The following PPP1CB variants were observed in gnomAD, a reference collection of about 807,000 sequenced individuals.
PPP1CB encodes the protein protein phosphatase 1 catalytic subunit beta.
A neutral mutation model predicts 43.7 loss-of-function variants in PPP1CB; 2 were observed. The observed-to-expected ratio is 0.05, with a 90% CI of 0.02 to 0.14. The LOEUF is 0.14. Among genes scored for constraint, PPP1CB ranks in the 10% least tolerant of loss-of-function variants. The probability of loss-of-function intolerance (pLI) is 1.00; values close to 1 mark genes in which losing one functional copy is unlikely to be tolerated. For missense variants in PPP1CB, 84 were observed against 398.0 expected, an observed-to-expected ratio of 0.21 and a Z score of 6.71; for synonymous variants, 136 against 135.6, an observed-to-expected ratio of 1.00 and a Z score of -0.02.
chr2:28,754,872 A>T (rs1666446962), intron 1 of PPP1CB, among the ~76,000 whole-genome samples: 1 of 152,200 alleles, frequency 6.6e-6, no homozygotes, highest in Non-Finnish European at 1.5e-5. Context: ...GAAAACATTC[A>T]GCAGGACCTG....
intron 7 of PPP1CB, among the ~76,000 whole-genome samples, chr2:28,796,630 C>T (rs932277680): frequency 2.6e-5 from 4 of 152,102 alleles, no homozygotes; most frequent in Non-Finnish European, 5.9e-5. Context: ...ATTTTGTATC[C>T]TGAAACTGAT....
intron 1 of PPP1CB, among the ~76,000 whole-genome samples, chr2:28,769,163 A>C (rs1252074215): frequency 6.6e-6 from 1 of 152,238 alleles, no homozygotes; most frequent in Non-Finnish European, 1.5e-5. Flanking sequence ...CTATCACCTG[A>C]AACTGTGGAA....
chr2:28,788,159 GA>G (rs1240474925), intron 5 of PPP1CB, among the ~76,000 whole-genome samples: 6 of 149,474 alleles, frequency 4.0e-5, no homozygotes, highest in African/African-American at 9.8e-5. Flanking sequence ...AGACAATCCT[GA>G]AAAAAAAATG....
intron 1 of PPP1CB, among the ~76,000 whole-genome samples, chr2:28,759,201 C>G (rs905054246): frequency 6.6e-6 from 1 of 152,118 alleles, no homozygotes; most frequent in East Asian, 1.9e-4. Flanking sequence ...TGGTGTAAAC[C>G]TATTGCACTG....
At chr2:28,788,246 T>C (rs1016591369) in intron 5 of PPP1CB, among the ~76,000 whole-genome samples, 3 of 148,654 alleles carry the variant, frequency 2.0e-5, no homozygotes, top group East Asian at 1.9e-4. Context: ...ATAAGTAAAA[T>C]AGACTAACAG....
At chr2:28,796,002 G>A (rs906508321) in intron 7 of PPP1CB, among the ~76,000 whole-genome samples, 7 of 152,104 alleles carry the variant, frequency 4.6e-5, no homozygotes, top group Non-Finnish European at 1.0e-4. Flanking sequence ...TCAGTCTTCT[G>A]CATATGGCTA....
At chr2:28,756,550 C>G (rs914103911) in intron 1 of PPP1CB, among the ~76,000 whole-genome samples, 1 of 152,230 alleles carries the variant, frequency 6.6e-6, no homozygotes, top group African/African-American at 2.4e-5. Flanking sequence ...GTGGCTTGAT[C>G]ATGGCTCACT....
chr2:28,795,335 C>A (rs1667478180), intron 7 of PPP1CB, among the ~76,000 whole-genome samples: 1 of 151,784 alleles, frequency 6.6e-6, no homozygotes, highest in African/African-American at 2.4e-5. Flanking sequence ...TTGTACATAC[C>A]CAAAGTAGTG....
At chr2:28,756,922 T>C (rs1048301863) in intron 1 of PPP1CB, among the ~76,000 whole-genome samples, 1 of 152,198 alleles carries the variant, frequency 6.6e-6, no homozygotes, top group Non-Finnish European at 1.5e-5. Flanking sequence ...ACAGTTTGCC[T>C]ATTTAGAGGA....
chr2:28,795,208 G>T (rs1251857998), intron 7 of PPP1CB, among the ~76,000 whole-genome samples: 1 of 152,152 alleles, frequency 6.6e-6, no homozygotes, highest in Non-Finnish European at 1.5e-5. Context: ...AGTATTCCAT[G>T]GTGTATATGT....
At chr2:28,771,862 GA>G (rs1666920851) in intron 1 of PPP1CB, among the ~76,000 whole-genome samples, 1 of 151,352 alleles carries the variant, frequency 6.6e-6, no homozygotes, top group Non-Finnish European at 1.5e-5. Flanking sequence ...GATTGACTAA[GA>G]TTTTTTAAGA....
rs70956041 is a variant in PPP1CB at position 28,789,593 on chromosome 2, ATTTT to A, written c.744+804_744+807del. Among the ~76,000 whole-genome samples the A allele has an allele frequency of 2.9e-3, 282 of 96,536 alleles. 1 individual carries two copies. The highest frequency in any genetic ancestry group is 9.5e-3 in the African/African-American group (259 of 27,386). The allele number at this position is 96,536 out of a possible 152,430, so 63.3% of individuals were successfully genotyped here. On this transcript the variant is annotated intron_variant, in intron 6 of 7. Coordinates refer to ENST00000395366, the MANE Select transcript of PPP1CB (RefSeq NM_002709.3). ...TTGAAGCTTTGTAGATATGATTTAGATTTTTTTTTTTTTTTTTTTTTTTGAGATG... is the reference window on the plus strand; with the variant it reads ...TTGAAGCTTTGTAGATATGATTTAGATTTTTTTTTTTTTTTTTTTGAGATG...
intron 1 of PPP1CB, among the ~76,000 whole-genome samples, chr2:28,756,856 A>G (rs570384175): frequency 2.1e-4 from 32 of 152,354 alleles, no homozygotes; most frequent in African/African-American, 7.5e-4. Context: ...ATGAAAGCAT[A>G]TTAAAGCCCT....
chr2:28,752,937 T>C (rs1666363264), intron 1 of PPP1CB, among the ~76,000 whole-genome samples: 1 of 152,234 alleles, frequency 6.6e-6, no homozygotes, highest in Admixed American at 6.5e-5. Flanking sequence ...TTAAAGCCTG[T>C]CTTGTATTCG....
At chr2:28,783,681 C>T (rs1448748809) in intron 4 of PPP1CB, among the ~76,000 whole-genome samples, 1 of 151,372 alleles carries the variant, frequency 6.6e-6, no homozygotes, top group Admixed American at 6.6e-5. Flanking sequence ...CGCTCGAACC[C>T]GGGAGGTGGA....
intron 5 of PPP1CB, among the ~76,000 whole-genome samples, chr2:28,787,398 G>T (rs1667293806): frequency 6.6e-6 from 1 of 152,216 alleles, no homozygotes; most frequent in African/African-American, 2.4e-5. Flanking sequence ...GGCAGAGTTT[G>T]CAGTGAGCAG....
At chr2:28,786,774 CA>C (rs70956040) in intron 5 of PPP1CB, among the ~76,000 whole-genome samples, 6,096 of 94,572 alleles carry the variant, frequency 0.064, 94 homozygotes, top group Non-Finnish European at 0.083. Flanking sequence ...GACTCCGTCT[CA>C]AAAAAAAAAA....
chr2:28,753,905 T>A (rs544405537), intron 1 of PPP1CB, among the ~76,000 whole-genome samples: 1 of 152,120 alleles, frequency 6.6e-6, no homozygotes, highest in Non-Finnish European at 1.5e-5. Context: ...CGGCTAATTT[T>A]TTTTGTATTT....
chr2:28,785,855 A>G (rs1667256031), intron 5 of PPP1CB, among the ~76,000 whole-genome samples: 1 of 151,822 alleles, frequency 6.6e-6, no homozygotes, highest in African/African-American at 2.4e-5. Context: ...TATAATATAA[A>G]TATGTATTAC....
Sources: gnomAD v4.1 joint callset for allele counts (sites outside exome capture counted in the v4.1 genomes callset) on GRCh38, gnomAD v4.1.1 for gene constraint, MANE v1.5 for transcripts, NCBI Gene and HGNC (gene_info 2026-07-23, HGNC 2026-07-21) for gene names.